Variants in ATP9A observed in about 807,000 individuals in gnomAD.
The protein encoded by ATP9A is ATPase phospholipid transporting 9A.
Under a neutral mutation model 144.1 loss-of-function variants are expected in ATP9A, and 52 were observed. That is an observed-to-expected ratio of 0.36 (90% CI 0.29 to 0.45). The LOEUF (loss-of-function observed/expected upper bound fraction) is 0.45. Among genes scored for constraint, ATP9A ranks in the 20% least tolerant of loss-of-function variants. The pLI is 1.00. For missense variants in ATP9A, 947 were observed against 1,392.7 expected, an observed-to-expected ratio of 0.68 and a Z score of 5.09; for synonymous variants, 582 against 557.4, an observed-to-expected ratio of 1.04 and a Z score of -0.62.
At chr20:51,741,895 T>C (rs1001867067) in intron 1 of ATP9A, among the ~76,000 whole-genome samples, 1 of 152,202 alleles carries the variant, frequency 6.6e-6, no homozygotes, top group African/African-American at 2.4e-5. Flanking sequence ...CACCTTACAA[T>C]GCACAGACAA....
intron 9 of ATP9A, among the ~76,000 whole-genome samples, chr20:51,686,422 A>G (rs1304784296): frequency 6.6e-6 from 1 of 152,134 alleles, no homozygotes; most frequent in African/African-American, 2.4e-5. Flanking sequence ...ATGGTAAAAG[A>G]AAATAAAGCC....
At chr20:51,654,705 C>T (rs1425181176) in intron 14 of ATP9A, among the ~76,000 whole-genome samples, 1 of 152,122 alleles carries the variant, frequency 6.6e-6, no homozygotes, top group Non-Finnish European at 1.5e-5. Context: ...CGCTGCACTA[C>T]TCCAGCCTGG....
Position 51,749,740 on chromosome 20 carries a change from CAGGGTAGCTGACTAGAGAGAGTGGG to C in ATP9A, c.68+18537_68+18561del, listed in dbSNP as rs1199774130. On this transcript the variant is annotated intron_variant, in intron 1 of 27. Transcript: ENST00000338821. ...AAGACTGGCTGCCTGGGGAAGGGTA[CAGGGTAGCTGACTAGAGAGAGTGGG>C]AGGGAAACTGACTTTGCAATGGCTA... Among the ~76,000 whole-genome samples, 3 of 152,104 alleles carry C rather than the reference CAGGGTAGCTGACTAGAGAGAGTGGG, an allele frequency of 2.0e-5. No individual in the cohort carries two copies. The East Asian group carries it at 5.8e-4, about 29-fold the overall frequency.
rs1218133688 is a variant in ATP9A, at chr20:51,641,831, CA to C, written c.1507-2328del. 1.9e-3 allele frequency among the ~76,000 whole-genome samples: 149 copies of C among 79,678 alleles called. 2 individuals carry two copies. Among genetic ancestry groups the C allele is most frequent in the African/African-American group, 5.4e-3 (124 of 22,812 alleles). The allele number at this position is 79,678 out of a possible 152,430, so 52.3% of individuals were successfully genotyped here. A position where few individuals can be genotyped will look rare whatever the true frequency, so the allele number is the denominator to read the frequency against. On this transcript the variant is annotated intron_variant, in intron 14 of 27. Transcript: ENST00000338821. ...GGGCAACAAGAGCGAAACTCCATCT[CA>C]AAAAAAAAAAAAAAAAGATAAAAAA...
intron 3 of ATP9A, among the ~76,000 whole-genome samples, chr20:51,719,903 A>G (rs1259590908): frequency 8.9e-5 from 13 of 145,594 alleles, no homozygotes; most frequent in Middle Eastern, 4.0e-3. Context: ...ACAAAAATTA[A>G]CTGGGCGTGA....
chr20:51,688,641 A>G (rs1398584637), intron 9 of ATP9A, among the ~76,000 whole-genome samples: 3 of 152,106 alleles, frequency 2.0e-5, no homozygotes, highest in Non-Finnish European at 4.4e-5. Context: ...AAAGGCACCA[A>G]TATCCACTTC....
chr20:51,607,304 C>T (rs140513535), intron 26 of ATP9A, among the ~76,000 whole-genome samples: 2 of 152,352 alleles, frequency 1.3e-5, no homozygotes, highest in African/African-American at 2.4e-5. Flanking sequence ...CTGTCCACTG[C>T]CTTCCTCTGG....
chr20:51,704,800 CA>C (rs199987640), intron 4 of ATP9A, among the ~76,000 whole-genome samples: 19 of 147,766 alleles, frequency 1.3e-4, no homozygotes, highest in Non-Finnish European at 2.0e-4. Flanking sequence ...AACAAACAAA[CA>C]AAAAAAAAAC....
intron 2 of ATP9A, among the ~76,000 whole-genome samples, chr20:51,726,672 G>T (rs2077714743): frequency 6.6e-6 from 1 of 151,988 alleles, no homozygotes; most frequent in Non-Finnish European, 1.5e-5. Context: ...TCGAATTCCT[G>T]GGCTCAGGCG....
chr20:51,753,981 A>ATT (rs904545583), intron 1 of ATP9A, among the ~76,000 whole-genome samples: 1 of 150,264 alleles, frequency 6.7e-6, no homozygotes, highest in Middle Eastern at 3.2e-3. Flanking sequence ...CTGTTCTCTC[A>ATT]TTTTTTTTTA....
chr20:51,704,996 T>C (rs918751357), intron 4 of ATP9A, among the ~76,000 whole-genome samples: 1 of 152,166 alleles, frequency 6.6e-6, no homozygotes, highest in Non-Finnish European at 1.5e-5. Flanking sequence ...TGCAGTAACA[T>C]TGAAAAGTCT....
intron 4 of ATP9A, among the ~76,000 whole-genome samples, chr20:51,711,512 C>T (rs535081937): frequency 6.6e-6 from 1 of 152,318 alleles, no homozygotes; most frequent in South Asian, 2.1e-4. Context: ...TTCTCAATTT[C>T]CTGAAGGCAA....
intron 9 of ATP9A, among the ~76,000 whole-genome samples, chr20:51,680,330 G>A (rs1382751329): frequency 6.6e-6 from 1 of 151,802 alleles, no homozygotes; most frequent in Non-Finnish European, 1.5e-5. Flanking sequence ...CACATTAGGG[G>A]AAAACCCAAC....
At chr20:51,727,509 C>G (rs764074186) in intron 2 of ATP9A, among the ~76,000 whole-genome samples, 64 of 151,316 alleles carry the variant, frequency 4.2e-4, no homozygotes, top group Non-Finnish European at 8.4e-4. Context: ...TCAATTGAGC[C>G]CAGGAGGCGG....
chr20:51,764,425 T>G (rs762996929), intron 1 of ATP9A, among the ~76,000 whole-genome samples: 3 of 152,250 alleles, frequency 2.0e-5, no homozygotes, highest in Admixed American at 6.5e-5. Flanking sequence ...CATCAGGATG[T>G]GGTAACTTTC....
At chr20:51,615,072 A>G (rs1044327982) in intron 22 of ATP9A, among the ~76,000 whole-genome samples, 6 of 7,586 alleles carry the variant, frequency 7.9e-4, no homozygotes, top group Non-Finnish European at 1.0e-3. Context: ...TCGATGTTAC[A>G]TGGGGTGGGG....
At chr20:51,729,360 C>A (rs1324947460) in intron 2 of ATP9A, among the ~76,000 whole-genome samples, 1 of 151,044 alleles carries the variant, frequency 6.6e-6, no homozygotes. Context: ...AACCCCGCCA[C>A]TACCCAGTGC....
rs11477336 is a variant in ATP9A at position 51,658,888 on chromosome 20, C to CGGGGGGGG, written c.1294-1746_1294-1739dup. Among the ~76,000 whole-genome samples the CGGGGGGGG allele has an allele frequency of 4.9e-4, 27 of 54,832 alleles. 3 individuals are homozygous for CGGGGGGGG. The highest frequency in any genetic ancestry group is 2.1e-3 in the African/African-American group (25 of 11,906). 36.0% of individuals were successfully genotyped at this position (54,832 alleles called of 152,430 possible). ...ATATAATGAAAATTAAGACCACTGGCGGGGGGGGGGGGGGGAAGGCTCATT... is the reference window on the plus strand; with the variant it reads ...ATATAATGAAAATTAAGACCACTGGCGGGGGGGGGGGGGGGGGGGGGGGAAGGCTCATT... On this transcript the variant is annotated intron_variant, in intron 13 of 27. Coordinates refer to ENST00000338821, the MANE Select transcript of ATP9A (RefSeq NM_006045.3).
chr20:51,683,303 C>T (rs1026853671), intron 9 of ATP9A, among the ~76,000 whole-genome samples: 3 of 151,810 alleles, frequency 2.0e-5, no homozygotes, highest in Non-Finnish European at 4.4e-5. Flanking sequence ...CTCGCTCTGT[C>T]GCCCAGGCTG....
Sources: gnomAD v4.1 joint callset for allele counts (sites outside exome capture counted in the v4.1 genomes callset) on GRCh38, gnomAD v4.1.1 for gene constraint, MANE v1.5 for transcripts, NCBI Gene and HGNC (gene_info 2026-07-23, HGNC 2026-07-21) for gene names.